The following ZBTB7C variants were observed in gnomAD, a reference collection of about 807,000 sequenced individuals.
ZBTB7C encodes zinc finger and BTB domain-containing protein 7C.
Under a neutral mutation model 25.7 loss-of-function variants are expected in ZBTB7C, and 8 were observed. The observed-to-expected ratio is 0.31, with a 90% CI of 0.18 to 0.56. The LOEUF is 0.56. Among genes scored for constraint, ZBTB7C ranks in the 20% least tolerant of loss-of-function variants. The probability of loss-of-function intolerance (pLI) is 0.91; values close to 1 mark genes in which losing one functional copy is unlikely to be tolerated. For synonymous variants in ZBTB7C, 394 were observed against 369.0 expected, an observed-to-expected ratio of 1.07 and a Z score of -0.78; for missense variants, 824 against 855.2, an observed-to-expected ratio of 0.96 and a Z score of 0.46.
intron 2 of ZBTB7C, among the ~76,000 whole-genome samples, chr18:48,218,235 G>T (rs2042871471): frequency 6.6e-6 from 1 of 152,196 alleles, no homozygotes; most frequent in African/African-American, 2.4e-5. Context: ...CAGGGTGACA[G>T]CCCATTCCCC....
intron 1 of ZBTB7C, among the ~76,000 whole-genome samples, chr18:48,361,782 A>G (rs1385754281): frequency 2.6e-5 from 4 of 152,220 alleles, no homozygotes; most frequent in African/African-American, 9.6e-5. Context: ...GGCTGCTCAG[A>G]GAGGACTCAG....
At chr18:48,068,270 C>T (rs929450663) in intron 3 of ZBTB7C, among the ~76,000 whole-genome samples, 1 of 151,492 alleles carries the variant, frequency 6.6e-6, no homozygotes, top group African/African-American at 2.4e-5. Context: ...TCCCGAGTAG[C>T]TGGGACTACT....
chr18:48,040,270 G>C lies in ZBTB7C; in HGVS notation c.838C>G (p.Leu280Val). The C allele has an allele frequency of 6.4e-7, 1 of 1,561,572 alleles. No homozygotes were observed. Among genetic ancestry groups the C allele is most frequent in the Non-Finnish European group, 8.6e-7 (1 of 1,156,134 alleles). The change falls in exon 4 of 5, where the codon CTG (leucine) becomes GTG (valine). Residue 280 changes from leucine to valine, a missense_variant. By Grantham distance (32) the Leu-to-Val change is conservative. Coordinates refer to ENST00000590800, the MANE Select transcript of ZBTB7C (RefSeq NM_001318841.2). ...LPEQPMDSGPLDLVIKNRKIK... is the reference protein window; with the variant it reads ...LPEQPMDSGPVDLVIKNRKIK... ...TTCCGATTCTTGATGACCAGATCCA[G>C]TGGCCCACTGTCCATGGGCTGCTCA...
intron 3 of ZBTB7C, among the ~76,000 whole-genome samples, chr18:48,094,561 T>C (rs1392818188): frequency 6.6e-6 from 1 of 152,156 alleles, no homozygotes; most frequent in African/African-American, 2.4e-5. Context: ...AGGTAGAAGG[T>C]AGATTGAGTT....
intron 2 of ZBTB7C, among the ~76,000 whole-genome samples, chr18:48,215,167 T>C (rs2042792878): frequency 6.6e-6 from 1 of 152,218 alleles, no homozygotes. Flanking sequence ...TCATCCTCAT[T>C]ATTCAATCTT....
At chr18:48,048,875 A>G (rs2144228169) in intron 3 of ZBTB7C, among the ~76,000 whole-genome samples, 1 of 152,248 alleles carries the variant, frequency 6.6e-6, no homozygotes, top group East Asian at 1.9e-4. Flanking sequence ...CTTCTAACCC[A>G]AAGAGCTTGG....
intron 2 of ZBTB7C, among the ~76,000 whole-genome samples, chr18:48,230,702 TA>T (rs1568318274): frequency 6.6e-6 from 1 of 152,104 alleles, no homozygotes; most frequent in African/African-American, 2.4e-5. Flanking sequence ...CAGCTACTGA[TA>T]GTCCAAGGCG....
intron 3 of ZBTB7C, among the ~76,000 whole-genome samples, chr18:48,123,816 T>C (rs1368588085): frequency 2.0e-5 from 3 of 152,208 alleles, no homozygotes; most frequent in African/African-American, 7.2e-5. Context: ...TCCTTAGAAA[T>C]GATCGTGTAT....
At chr18:48,399,193 CAT>C (rs2048102980) in intron 1 of ZBTB7C, among the ~76,000 whole-genome samples, 1 of 152,202 alleles carries the variant, frequency 6.6e-6, no homozygotes, top group African/African-American at 2.4e-5. Flanking sequence ...CACATACACA[CAT>C]ATGTTTTGTA....
chr18:48,205,522 G>T (rs565299718), intron 2 of ZBTB7C, among the ~76,000 whole-genome samples: 3 of 152,018 alleles, frequency 2.0e-5, no homozygotes, highest in Non-Finnish European at 2.9e-5. Flanking sequence ...TAATAACGAA[G>T]TCAATTTCCT....
At chr18:48,050,189 G>C (rs928341229) in intron 3 of ZBTB7C, among the ~76,000 whole-genome samples, 2 of 152,164 alleles carry the variant, frequency 1.3e-5, no homozygotes, top group African/African-American at 4.8e-5. Flanking sequence ...CAGGATAAAG[G>C]GTGGGAGACC....
chr18:48,407,444 C>A (rs1284589085), intron 1 of ZBTB7C, among the ~76,000 whole-genome samples: 2 of 152,168 alleles, frequency 1.3e-5, no homozygotes, highest in African/African-American at 2.4e-5. Context: ...GGGAAATATA[C>A]CACATTCGCT....
chr18:48,279,813 C>T (rs2044778645), intron 2 of ZBTB7C, among the ~76,000 whole-genome samples: 1 of 152,214 alleles, frequency 6.6e-6, no homozygotes, highest in African/African-American at 2.4e-5. Context: ...GAACCTGCCT[C>T]TGCACTGAGT....
At chr18:48,153,920 G>A (rs2040756180) in intron 3 of ZBTB7C, among the ~76,000 whole-genome samples, 1 of 152,192 alleles carries the variant, frequency 6.6e-6, no homozygotes, top group African/African-American at 2.4e-5. Flanking sequence ...GGGCCTAGGA[G>A]GCTGTAGGAA....
At chr18:48,247,727 T>C (rs2043735233) in intron 2 of ZBTB7C, among the ~76,000 whole-genome samples, 1 of 151,682 alleles carries the variant, frequency 6.6e-6, no homozygotes, top group South Asian at 2.1e-4. Flanking sequence ...CAGGCTGAGG[T>C]AATTGGATCA....
At chr18:48,367,365 TATATATAA>T (rs1348366961) in intron 1 of ZBTB7C, among the ~76,000 whole-genome samples, 6 of 131,874 alleles carry the variant, frequency 4.5e-5, no homozygotes, top group African/African-American at 1.1e-4. Flanking sequence ...TATATATATA[TATATATAA>T]AATACAAACA....
At position 48,099,715 on chromosome 18, in the gene ZBTB7C, G is replaced by A. The variant is rs115134858; in HGVS notation, c.-16-58592C>T. Among the ~76,000 whole-genome samples, 525 of 152,312 alleles carry A rather than the reference G, an allele frequency of 3.4e-3. 4 individuals carry two copies. The highest frequency in any genetic ancestry group is 0.012 in the African/African-American group (504 of 41,570). ...CAATGGGGGTCAGGCGGTCCCAGCT[G>A]GTTCTCAATTGGCCCCTCAGACAAG... is the stretch of plus-strand genomic sequence containing the variant. On this transcript the variant is annotated intron_variant, in intron 3 of 4. Transcript: ENST00000590800.
rs1329106111 is a variant in ZBTB7C at position 48,133,087 on chromosome 18, T to C, written c.-17+52847A>G. ...GTGGATGGACTCAGTTATTGACTGA[T>C]GAATTACAGCTTGCTCCGGGGTTCC... On this transcript the variant is annotated intron_variant, in intron 3 of 4. Transcript: ENST00000590800. Among the ~76,000 whole-genome samples, 4 of 152,254 alleles carry C rather than the reference T, an allele frequency of 2.6e-5. No homozygotes were observed. The East Asian group carries it at 7.7e-4, about 29-fold the overall frequency.
At chr18:48,099,453 CT>C (rs1383167192) in intron 3 of ZBTB7C, among the ~76,000 whole-genome samples, 1 of 152,238 alleles carries the variant, frequency 6.6e-6, no homozygotes, top group African/African-American at 2.4e-5. Context: ...TCCCCAATAT[CT>C]AGCTAGTATT....
Sources: allele counts gnomAD v4.1 joint callset (sites outside exome capture counted in the v4.1 genomes callset), GRCh38; gene constraint gnomAD v4.1.1; transcripts MANE v1.5; gene names NCBI Gene and HGNC (gene_info 2026-07-23, HGNC 2026-07-21).